Variants in FHIP2B observed in about 807,000 individuals in gnomAD.
FHIP2B encodes FHF complex subunit HOOK interacting protein 2B, also known as FHF complex subunit HOOK-interacting protein 2B.
In FHIP2B, 72 loss-of-function variants were observed where a neutral mutation model predicts 84.0. The observed-to-expected ratio is 0.86, with a 90% CI of 0.71 to 1.04. The LOEUF is 1.04. FHIP2B is among the 50% of genes least tolerant of loss of function. The probability of loss-of-function intolerance (pLI) is 0.00; values close to 1 mark genes in which losing one functional copy is unlikely to be tolerated. For missense variants in FHIP2B, 972 were observed against 968.9 expected, an observed-to-expected ratio of 1.00 and a Z score of -0.04; for synonymous variants, 497 against 418.7, an observed-to-expected ratio of 1.19 and a Z score of -2.28.
chr8:22,091,640 C>T (rs961527972), intron 1 of FHIP2B, among the ~76,000 whole-genome samples: 2 of 152,208 alleles, frequency 1.3e-5, no homozygotes, highest in African/African-American at 4.8e-5. Flanking sequence ...GATCACACAC[C>T]TGTGTCACCA....
rs60525064 is a variant in FHIP2B, at chr8:22,104,831, T to TAAAAAAAAA, written c.*1910_*1918dup. On this transcript the variant is annotated 3_prime_UTR_variant, in exon 17 of 17. Transcript: ENST00000289921. ...CTGGGCAATAGAGTAAGACCCTGTCTAAAAAAAAAAAAAAAAAATTTCACA... is the reference window on the plus strand; with the variant it reads ...CTGGGCAATAGAGTAAGACCCTGTCTAAAAAAAAAAAAAAAAAAAAAAAAAAATTTCACA... 2.4e-5 allele frequency: 3 copies of TAAAAAAAAA among 126,510 alleles called. No homozygotes were observed. Among genetic ancestry groups the TAAAAAAAAA allele is most frequent in the East Asian group, 2.3e-4 (1 of 4,414 alleles). The allele number at this position is 126,510 out of a possible 1,614,324, so 7.8% of individuals were successfully genotyped here. A position where few individuals can be genotyped will look rare whatever the true frequency, so the allele number is the denominator to read the frequency against.
intron 2 of FHIP2B, chr8:22,094,767 C>G (rs1825676259): frequency 1.5e-5 from 20 of 1,304,822 alleles, no homozygotes; most frequent in Non-Finnish European, 1.9e-5. Context: ...AAGGAGTAGC[C>G]TGGTTGGGGG....
chr8:22,089,857 A>C (rs1401307705), intron 1 of FHIP2B: 16 of 1,274,580 alleles, frequency 1.3e-5, no homozygotes, highest in African/African-American at 3.1e-5. Context: ...CACGAAGGGT[A>C]AAGACCCGGG....
chr8:22,097,355 C>T (rs1427639867), intron 3 of FHIP2B, among the ~76,000 whole-genome samples, 161 bp from the exon 4 acceptor site: 4 of 148,662 alleles, frequency 2.7e-5, no homozygotes, highest in Non-Finnish European at 4.5e-5. Flanking sequence ...GCAGGGGACA[C>T]GGCTCTGACA....
chr8:22,100,775 C>G, intron 11 of FHIP2B, 36 bp downstream of exon 11: 1 of 1,610,388 alleles, frequency 6.2e-7, no homozygotes, highest in East Asian at 2.2e-5. Context: ...CTCAGCCCAG[C>G]CCTTAGCACT....
At chr8:22,099,586 G>T (rs1825986850) in intron 9 of FHIP2B, 118 bp from the exon 10 acceptor site, 1 of 1,278,590 alleles carries the variant, frequency 7.8e-7, no homozygotes. Context: ...AGCAGGGATG[G>T]GCAAGTGACC....
rs1826066590 is a variant in FHIP2B, at chr8:22,100,825, T to C, written c.1488-19T>C. On this transcript the variant is annotated intron_variant, in intron 11 of 16. Transcript: ENST00000289921. Reference sequence around the variant, plus strand: ...GTCCATTCATTCACTGGTGCCGTACTGCTCTGCCCTGGCCACAGAGACCTG... The same window carrying C: ...GTCCATTCATTCACTGGTGCCGTACCGCTCTGCCCTGGCCACAGAGACCTG... 3 of 1,613,832 alleles carry C rather than the reference T, an allele frequency of 1.9e-6. No individual in the cohort carries two copies. The highest frequency in any genetic ancestry group is 2.5e-6 in the Non-Finnish European group (3 of 1,179,858).
Position 22,098,556 on chromosome 8 carries a change from A to G in FHIP2B, c.902A>G (p.Tyr301Cys). The change falls in exon 7 of 17, where the codon TAC becomes TGC. Residue 301 changes from tyrosine to cysteine, a missense_variant. Transcript: ENST00000289921. Reference protein sequence around the residue: ...PAIVRHLCQLYRSMPVFLDPA... With the variant: ...PAIVRHLCQLCRSMPVFLDPA... Reference sequence around the variant, plus strand: ...ATCGTCCGGCACCTTTGCCAGTTGTACCGGTCCATGCCTGTCTTCCTGGAC... The same window carrying G: ...ATCGTCCGGCACCTTTGCCAGTTGTGCCGGTCCATGCCTGTCTTCCTGGAC... 6.2e-7 allele frequency: 1 copy of G among 1,610,878 alleles called. No homozygotes were observed. The highest frequency in any genetic ancestry group is 1.3e-5 in the African/African-American group (1 of 74,912).
At chr8:22,099,397 A>T in intron 9 of FHIP2B, 37 bp downstream of exon 9, 1 of 1,600,138 alleles carries the variant, frequency 6.2e-7, no homozygotes, top group Non-Finnish European at 8.5e-7. Context: ...ACTGTGGTCT[A>T]CAGTAAACCA....
chr8:22,100,215 T>C (rs1826028111), intron 10 of FHIP2B: 1 of 399,866 alleles, frequency 2.5e-6, no homozygotes, highest in Non-Finnish European at 4.4e-6. Flanking sequence ...ACTGCAGGCA[T>C]GAGCCACTGT....
chr8:22,095,885 C>G (rs1825739949), intron 2 of FHIP2B: 1 of 153,754 alleles, frequency 6.5e-6, no homozygotes. Flanking sequence ...AGAGGCTTGC[C>G]TTCTCTGAGT....
At chr8:22,089,576 C>T (rs1046282474) in intron 1 of FHIP2B, among the ~76,000 whole-genome samples, 5 of 152,072 alleles carry the variant, frequency 3.3e-5, no homozygotes, top group Non-Finnish European at 1.5e-5. Flanking sequence ...CGGAGTCTCT[C>T]CCAATTCCCG....
In FHIP2B at chr8:22,098,559, G is replaced by A. The variant is rs536224294; in HGVS notation, c.905G>A (p.Arg302Gln). 144 of 1,610,202 alleles carry A rather than the reference G, an allele frequency of 8.9e-5. 2 individuals are homozygous for A. The South Asian group carries it at 1.1e-3, about 12-fold the overall frequency. Residue 302 changes from arginine (R) to glutamine (Q), a missense_variant, in exon 7 of 17, where the codon CGG becomes CAG. Physicochemically the swap from Arg to Gln is conservative, Grantham distance 43. Transcript: ENST00000289921. ...AIVRHLCQLY[R>Q]SMPVFLDPAD... is the part of the protein sequence containing the mutation. ...GTCCGGCACCTTTGCCAGTTGTACC[G>A]GTCCATGCCTGTCTTCCTGGACCCC...
At chr8:22,094,773 G>A in intron 2 of FHIP2B, 1 of 1,293,890 alleles carries the variant, frequency 7.7e-7, no homozygotes, top group Non-Finnish European at 9.8e-7. Context: ...TAGCCTGGTT[G>A]GGGGTCTCAC....
In FHIP2B at chr8:22,094,423, G is replaced by A. The variant is rs182728799; in HGVS notation, c.46-17G>A. ...CCTTTGTGGCCCCCACTGAGGTTGT[G>A]TGTCTGCCCTCCGCAGCGCGAGCCC... On this transcript the variant is annotated splice_polypyrimidine_tract_variant and intron_variant, in intron 1 of 16. Coordinates refer to ENST00000289921, the MANE Select transcript of FHIP2B (RefSeq NM_022749.7). 529 of 1,589,276 alleles carry A rather than the reference G, an allele frequency of 3.3e-4. 8 individuals carry two copies. Among genetic ancestry groups the A allele is most frequent in the Non-Finnish European group, 7.3e-5 (85 of 1,170,390 alleles).
chr8:22,099,263 T>C, intron 8 of FHIP2B, 21 bp from the exon 9 acceptor site: 2 of 1,612,608 alleles, frequency 1.2e-6, no homozygotes, highest in Non-Finnish European at 1.7e-6. Flanking sequence ...GCAAAACACA[T>C]TGGCGCTCTC....
intron 1 of FHIP2B, among the ~76,000 whole-genome samples, chr8:22,093,292 C>T (rs1391843821): frequency 6.6e-6 from 1 of 150,906 alleles, no homozygotes; most frequent in Non-Finnish European, 1.5e-5. Flanking sequence ...AAAACATTTA[C>T]TCTGCAAGAA....
intron 3 of FHIP2B, chr8:22,096,714 C>A: frequency 1.5e-6 from 1 of 658,866 alleles, no homozygotes; most frequent in Non-Finnish European, 2.3e-6. Context: ...TCTTCCCAGT[C>A]CTGACACTGA....
Position 22,098,535 on chromosome 8 carries a change from T to A in FHIP2B, c.881T>A (p.Val294Asp), listed in dbSNP as rs1825921694. Residue 294 changes from valine (V) to aspartate (D), a missense_variant, in exon 7 of 17, where the codon GTC (valine) becomes GAC (aspartate). Transcript: ENST00000289921. ...AGCAGCGCCTGCTGCCCTGCGATCG[T>A]CCGGCACCTTTGCCAGTTGTACCGG... is the stretch of plus-strand genomic sequence containing the variant. ...VQSSACCPAI[V>D]RHLCQLYRSM... 6.2e-7 allele frequency: 1 copy of A among 1,612,744 alleles called. No individual in the cohort carries two copies. The highest frequency in any genetic ancestry group is 1.3e-5 in the African/African-American group (1 of 74,888).
Sources: gnomAD v4.1 joint callset for allele counts (sites outside exome capture counted in the v4.1 genomes callset) on GRCh38, gnomAD v4.1.1 for gene constraint, MANE v1.5 for transcripts, NCBI Gene and HGNC (gene_info 2026-07-23, HGNC 2026-07-21) for gene names.